Variants in TCF4 observed in about 807,000 individuals in gnomAD.
The protein encoded by TCF4 is transcription factor 4.
TCF4 carries 3 observed loss-of-function variants against 82.1 expected under a neutral mutation model. That is an observed-to-expected ratio of 0.04 (90% CI 0.02 to 0.09). TCF4 has a LOEUF of 0.09. Ranked by LOEUF, TCF4 falls within the 10% of genes least tolerant of loss-of-function variation. TCF4 has a pLI of 1.00. For synonymous variants in TCF4, 276 were observed against 309.6 expected, an observed-to-expected ratio of 0.89 and a Z score of 1.14; for missense variants, 518 against 852.7, an observed-to-expected ratio of 0.61 and a Z score of 4.89.
At chr18:55,499,274 T>C (rs1046729022) in intron 3 of TCF4, among the ~76,000 whole-genome samples, 1 of 152,160 alleles carries the variant, frequency 6.6e-6, no homozygotes, top group Non-Finnish European at 1.5e-5. Flanking sequence ...CCAACACATC[T>C]GCACATCACA....
At chr18:55,618,363 T>TA (rs1305461723) in intron 2 of TCF4, among the ~76,000 whole-genome samples, 1 of 152,202 alleles carries the variant, frequency 6.6e-6, no homozygotes, top group African/African-American at 2.4e-5. Flanking sequence ...ATCCATTTCT[T>TA]AAAGATTATC....
chr18:55,583,692 A>T (rs2097601461), intron 3 of TCF4, among the ~76,000 whole-genome samples: 1 of 152,160 alleles, frequency 6.6e-6, no homozygotes, highest in Admixed American at 6.5e-5. Context: ...TGTCTGTCTG[A>T]CATAAGCTAC....
intron 15 of TCF4, among the ~76,000 whole-genome samples, chr18:55,245,960 T>C (rs879386813): frequency 5.9e-5 from 9 of 152,258 alleles, no homozygotes; most frequent in Non-Finnish European, 1.0e-4. Flanking sequence ...TGAACATATG[T>C]ATATTTTCTA....
chr18:55,435,812 G>A (rs754121050), intron 5 of TCF4, among the ~76,000 whole-genome samples: 7 of 152,114 alleles, frequency 4.6e-5, no homozygotes, highest in Admixed American at 2.6e-4. Flanking sequence ...GAGTTTCTCT[G>A]TGCTATGTCC....
chr18:55,481,225 A>G (rs1275604688), intron 3 of TCF4, among the ~76,000 whole-genome samples: 3 of 152,106 alleles, frequency 2.0e-5, no homozygotes. Flanking sequence ...CTCCATTTCA[A>G]TTTTGTAACA....
intron 5 of TCF4, among the ~76,000 whole-genome samples, chr18:55,460,606 C>G (rs1214518302): frequency 6.6e-6 from 1 of 152,142 alleles, no homozygotes; most frequent in Non-Finnish European, 1.5e-5. Flanking sequence ...TTTTCATAAC[C>G]CCTTTAGCAG....
intron 3 of TCF4, chr18:55,483,025 C>T (rs977800491): frequency 6.6e-6 from 1 of 152,192 alleles, no homozygotes; most frequent in Admixed American, 6.5e-5. Flanking sequence ...GTCTTGCCCA[C>T]TGAAGAAAAA....
intron 3 of TCF4, among the ~76,000 whole-genome samples, chr18:55,507,444 C>T (rs1320317235): frequency 2.0e-5 from 3 of 151,794 alleles, no homozygotes; most frequent in East Asian, 1.9e-4. Flanking sequence ...CATCAAATGG[C>T]GAGCAATTTA....
intron 3 of TCF4, among the ~76,000 whole-genome samples, chr18:55,552,963 A>G (rs764657607): frequency 1.2e-4 from 19 of 152,264 alleles, no homozygotes; most frequent in Non-Finnish European, 1.9e-4. Context: ...CTCACTGCTC[A>G]TATTTGCACT....
intron 3 of TCF4, 56 bp downstream of exon 3, chr18:55,585,224 G>T: frequency 6.6e-7 from 1 of 1,512,972 alleles, no homozygotes; most frequent in Non-Finnish European, 9.2e-7. Context: ...ACATACAATT[G>T]AGTAAATAAA....
intron 14 of TCF4, among the ~76,000 whole-genome samples, chr18:55,255,726 C>T (rs1431059150): frequency 1.3e-5 from 2 of 152,090 alleles, no homozygotes; most frequent in African/African-American, 4.8e-5. Flanking sequence ...GGCTCAAAGA[C>T]ACAAAGTGAA....
At chr18:55,473,626 GC>G (rs1470527652) in intron 3 of TCF4, among the ~76,000 whole-genome samples, 1 of 152,086 alleles carries the variant, frequency 6.6e-6, no homozygotes, top group African/African-American at 2.4e-5. Context: ...GATCAATCTT[GC>G]ATGTTATCTT....
intron 3 of TCF4, among the ~76,000 whole-genome samples, chr18:55,546,649 T>C (rs1372270254): frequency 2.0e-5 from 3 of 152,186 alleles, no homozygotes; most frequent in Non-Finnish European, 4.4e-5. Context: ...TTTGAAAATC[T>C]ACAAATGGGT....
At chr18:55,365,205 GTGTGTA>G (rs2086647678) in intron 6 of TCF4, among the ~76,000 whole-genome samples, 1 of 129,872 alleles carries the variant, frequency 7.7e-6, no homozygotes, top group African/African-American at 3.2e-5. Flanking sequence ...GTGTGTGTGT[GTGTGTA>G]TATATATGTG....
chr18:55,363,410 TA>T (rs1361142235), intron 6 of TCF4, among the ~76,000 whole-genome samples: 1 of 152,144 alleles, frequency 6.6e-6, no homozygotes, highest in Non-Finnish European at 1.5e-5. Flanking sequence ...AGCCTGAGAA[TA>T]AAGTACAAGC....
rs967879627 is a variant in TCF4, at chr18:55,322,425, GAAAAAAAAAAAA to G, written c.549+27922_549+27933del. On this transcript the variant is annotated intron_variant, in intron 8 of 19. Coordinates refer to ENST00000354452, the MANE Select transcript of TCF4 (RefSeq NM_001083962.2). Reference sequence around the variant, plus strand: ...GAAAGGGGAGGGAAAGGGGAGGGAAGAAAAAAAAAAAAAAAAAAAAAAAAACACCACGTCTCT... The same window carrying G: ...GAAAGGGGAGGGAAAGGGGAGGGAAGAAAAAAAAAAAAACACCACGTCTCT... 1.6e-4 allele frequency: 122 copies of G among 776,972 alleles called. No homozygotes were observed. In the South Asian group the frequency reaches 4.4e-3, roughly 28 times the overall value. The allele number at this position is 776,972 out of a possible 1,614,324, so 48.1% of individuals were successfully genotyped here.
At chr18:55,616,107 G>A (rs1355800086) in intron 2 of TCF4, among the ~76,000 whole-genome samples, 3 of 151,990 alleles carry the variant, frequency 2.0e-5, no homozygotes, top group Non-Finnish European at 2.9e-5. Context: ...CTGAATCTTT[G>A]CACCCATTGA....
chr18:55,480,002 T>C (rs1454634766), intron 3 of TCF4, among the ~76,000 whole-genome samples: 5 of 152,142 alleles, frequency 3.3e-5, no homozygotes, highest in African/African-American at 1.2e-4. Flanking sequence ...TTCCTCCCTC[T>C]GAGCACCAAA....
chr18:55,418,034 T>C (rs937721982), intron 5 of TCF4, among the ~76,000 whole-genome samples: 1 of 151,094 alleles, frequency 6.6e-6, no homozygotes, highest in Non-Finnish European at 1.5e-5. Flanking sequence ...TGTGTGTGTG[T>C]GTGTGTGTGT....
Sources: allele counts gnomAD v4.1 joint callset (sites outside exome capture counted in the v4.1 genomes callset), GRCh38; gene constraint gnomAD v4.1.1; transcripts MANE v1.5; gene names NCBI Gene and HGNC (gene_info 2026-07-23, HGNC 2026-07-21).